CEP43: variants seen among roughly 807,000 people sequenced by gnomAD.
The protein encoded by CEP43 is centrosomal protein 43.
In CEP43, 36 loss-of-function variants were observed where a neutral mutation model predicts 52.6. That is an observed-to-expected ratio of 0.68 (90% CI 0.52 to 0.90). The LOEUF (loss-of-function observed/expected upper bound fraction) is 0.90, where lower values mean the gene tolerates loss of function less well. Ranked by LOEUF, CEP43 falls within the 40% of genes least tolerant of loss-of-function variation. The pLI, the probability that CEP43 is intolerant of heterozygous loss-of-function variation, is 0.00. For synonymous variants in CEP43, 192 were observed against 172.4 expected, an observed-to-expected ratio of 1.11 and a Z score of -0.89; for missense variants, 506 against 472.8, an observed-to-expected ratio of 1.07 and a Z score of -0.65.
At position 167,041,869 on chromosome 6, in the gene CEP43, A is replaced by G. The variant is rs143841163; in HGVS notation, c.*1891A>G. Reference sequence around the variant, plus strand: ...GACAGAGTCTCACTGTGTCACTCAGACTGGAGTACAGTGATGCGATCTCGG... The same window carrying G: ...GACAGAGTCTCACTGTGTCACTCAGGCTGGAGTACAGTGATGCGATCTCGG... On this transcript the variant is annotated 3_prime_UTR_variant, in exon 13 of 13. Transcript: ENST00000366847. The G allele has an allele frequency of 6.1e-4, 557 of 908,916 alleles. 3 individuals are homozygous for G. The highest frequency in any genetic ancestry group is 6.6e-4 in the Non-Finnish European group (494 of 752,134). 56.3% of individuals were successfully genotyped at this position (908,916 alleles called of 1,614,324 possible).
At chr6:167,025,438 G>A (rs1253904621) in intron 9 of CEP43, among the ~76,000 whole-genome samples, 1 of 152,172 alleles carries the variant, frequency 6.6e-6, no homozygotes, top group Non-Finnish European at 1.5e-5. Flanking sequence ...ACAGTGATAG[G>A]AATTTAAAAA....
At position 167,040,156 on chromosome 6, in the gene CEP43, T is replaced by C; in HGVS notation, c.*178T>C. ...ATTTTACTAAACAAAATACTTCCTATTTGAGCCCATGTGTGGAAGATTTAA... is the reference window on the plus strand; with the variant it reads ...ATTTTACTAAACAAAATACTTCCTACTTGAGCCCATGTGTGGAAGATTTAA... On this transcript the variant is annotated 3_prime_UTR_variant, in exon 13 of 13. Transcript: ENST00000366847. 6.5e-7 allele frequency: 1 copy of C among 1,538,466 alleles called. No homozygotes were observed. Among genetic ancestry groups the C allele is most frequent in the Non-Finnish European group, 8.7e-7 (1 of 1,145,062 alleles).
At position 167,040,275 on chromosome 6, in the gene CEP43, A is replaced by C. The variant is rs1011567361; in HGVS notation, c.*297A>C. Reference sequence around the variant, plus strand: ...GGAACCCATGAAAACATCAGTGTTAAGAGCATGATGAAAGGTGTCAATAAA... The same window carrying C: ...GGAACCCATGAAAACATCAGTGTTACGAGCATGATGAAAGGTGTCAATAAA... On this transcript the variant is annotated 3_prime_UTR_variant, in exon 13 of 13. Coordinates refer to ENST00000366847, the MANE Select transcript of CEP43 (RefSeq NM_007045.4). 1.4e-5 allele frequency: 21 copies of C among 1,479,776 alleles called. No individual in the cohort carries two copies. In the African/African-American group the frequency reaches 2.7e-4, roughly 19 times the overall value. The allele number at this position is 1,479,776 out of a possible 1,614,324, so 91.7% of individuals were successfully genotyped here. A position where few individuals can be genotyped will look rare whatever the true frequency, so the allele number is the denominator to read the frequency against.
In CEP43 at chr6:167,024,805, C is replaced by T; in HGVS notation, c.830C>T (p.Ala277Val). Residue 277 changes from alanine (A) to valine (V), a missense_variant, in exon 9 of 13, where the codon GCA becomes GTA. Transcript: ENST00000366847. Reference sequence around the variant, plus strand: ...AGGAGGAAGGAACCTAGGAAGCAAGCAGGAAGTCTGGCCTCGCTCTCGGAT... The same window carrying T: ...AGGAGGAAGGAACCTAGGAAGCAAGTAGGAAGTCTGGCCTCGCTCTCGGAT... ...YGLRKEPRKQ[A>V]GSLASLSDAP... The T allele has an allele frequency of 6.2e-7, 1 of 1,613,410 alleles. No individual in the cohort carries two copies. The highest frequency in any genetic ancestry group is 1.7e-5 in the Admixed American group (1 of 59,944).
chr6:167,008,625 A>T (rs1006452024), intron 5 of CEP43, among the ~76,000 whole-genome samples: 1 of 151,352 alleles, frequency 6.6e-6, no homozygotes, highest in African/African-American at 2.4e-5. Context: ...CCACCACCAC[A>T]CCCGGCTAAT....
chr6:167,015,580 C>T (rs960962340), intron 7 of CEP43, among the ~76,000 whole-genome samples: 32 of 152,164 alleles, frequency 2.1e-4, no homozygotes, highest in African/African-American at 7.2e-4. Context: ...GTCCTGCAGA[C>T]GTGAACTGGG....
chr6:167,017,347 C>A (rs762932647), intron 7 of CEP43, among the ~76,000 whole-genome samples: 16 of 152,230 alleles, frequency 1.1e-4, no homozygotes, highest in Non-Finnish European at 2.2e-4. Context: ...CATAGCATTA[C>A]ATTTATTAGG....
chr6:167,000,938 G>C (rs903308159), intron 2 of CEP43, among the ~76,000 whole-genome samples: 1 of 152,230 alleles, frequency 6.6e-6, no homozygotes, highest in Admixed American at 6.5e-5. Context: ...AGAAGAGTCA[G>C]TCAATCCTGT....
intron 7 of CEP43, 111 bp from the exon 8 acceptor site, chr6:167,022,298 A>AC: frequency 1.5e-6 from 1 of 675,388 alleles, no homozygotes; most frequent in East Asian, 2.7e-5. Context: ...ACACACACAA[A>AC]GGTTGCACAC....
intron 7 of CEP43, 150 bp from the exon 8 acceptor site, chr6:167,022,259 A>AACACACACACACACAC (rs35327997): frequency 5.3e-4 from 291 of 544,710 alleles, no homozygotes; most frequent in Admixed American, 1.0e-3. Context: ...GAGCTGCCCC[A>AACACACACACACACAC]ACACACACAC....
chr6:167,027,865 A>C, intron 10 of CEP43: 2 of 985,578 alleles, frequency 2.0e-6, no homozygotes, highest in Non-Finnish European at 2.4e-6. Flanking sequence ...CCCCATTTGC[A>C]GAAGAATAAA....
rs2128664165 is a variant in CEP43, at chr6:167,022,722, T to C, written c.806+87T>C. ...TTTATAGTTAAAAAATAATGAACTA[T>C]GGAAGGTTTATAATTATTGGATCCA... On this transcript the variant is annotated intron_variant, in intron 8 of 12. Coordinates refer to ENST00000366847, the MANE Select transcript of CEP43 (RefSeq NM_007045.4). 3.4e-6 allele frequency: 3 copies of C among 887,790 alleles called. No individual in the cohort carries two copies. The South Asian group carries it at 5.1e-5, about 15-fold the overall frequency. The allele number at this position is 887,790 out of a possible 1,614,324, so 55.0% of individuals were successfully genotyped here. A position where few individuals can be genotyped will look rare whatever the true frequency, so the allele number is the denominator to read the frequency against.
rs1221105152 is a variant in CEP43, at chr6:167,045,663, A to C, written c.*5685A>C. On this transcript the variant is annotated 3_prime_UTR_variant, in exon 13 of 13. Coordinates refer to ENST00000366847, the MANE Select transcript of CEP43 (RefSeq NM_007045.4). ...GGCAGGAGAATGGCGTGAACCCAGG[A>C]GGCGGAGCTTGCAGTGAGCCCAGAT... is the stretch of plus-strand genomic sequence containing the variant. The C allele has an allele frequency of 6.6e-6, 1 of 152,188 alleles. No homozygotes were observed. Among genetic ancestry groups the C allele is most frequent in the African/African-American group, 2.4e-5 (1 of 41,440 alleles). 9.4% of individuals were successfully genotyped at this position (152,188 alleles called of 1,614,324 possible).
intron 12 of CEP43, among the ~76,000 whole-genome samples, chr6:167,039,152 C>A (rs140305388): frequency 6.6e-6 from 1 of 150,774 alleles, no homozygotes; most frequent in African/African-American, 2.4e-5. Flanking sequence ...TTTTTTGAGT[C>A]GGAGTCTCGC....
Position 167,039,984 on chromosome 6 carries a change from A to G in CEP43, c.*6A>G. ...ATCTGGAAGATGTTGCATAGACACGAAGAAGGAAGTATTCTAATTAACAAG... is the reference window on the plus strand; with the variant it reads ...ATCTGGAAGATGTTGCATAGACACGGAGAAGGAAGTATTCTAATTAACAAG... On this transcript the variant is annotated 3_prime_UTR_variant, in exon 13 of 13. Coordinates refer to ENST00000366847, the MANE Select transcript of CEP43 (RefSeq NM_007045.4). 6.2e-7 allele frequency: 1 copy of G among 1,614,022 alleles called. No homozygotes were observed. Among genetic ancestry groups the G allele is most frequent in the Non-Finnish European group, 8.5e-7 (1 of 1,180,010 alleles).
chr6:167,016,031 A>G (rs1780090292), intron 7 of CEP43, among the ~76,000 whole-genome samples: 1 of 151,928 alleles, frequency 6.6e-6, no homozygotes, highest in Non-Finnish European at 1.5e-5. Flanking sequence ...ATCTCATTGT[A>G]TTCCATTTCG....
At chr6:167,020,853 T>C (rs1287241450) in intron 7 of CEP43, among the ~76,000 whole-genome samples, 1 of 147,114 alleles carries the variant, frequency 6.8e-6, no homozygotes, top group African/African-American at 2.5e-5. Flanking sequence ...AGGTTGCAGT[T>C]AGCCCAGATT....
chr6:167,005,833 ACT>A (rs1452749956), intron 5 of CEP43, among the ~76,000 whole-genome samples: 1 of 149,810 alleles, frequency 6.7e-6, no homozygotes, highest in East Asian at 2.0e-4. Context: ...GCCCTGAAGA[ACT>A]CTCTTCTCTT....
chr6:167,019,640 T>A (rs1005101035), intron 7 of CEP43, among the ~76,000 whole-genome samples: 51 of 152,368 alleles, frequency 3.3e-4, no homozygotes, highest in African/African-American at 1.2e-3. Flanking sequence ...ACTATATTTT[T>A]AAAATAATTC....
Sources: allele counts gnomAD v4.1 joint callset (sites outside exome capture counted in the v4.1 genomes callset), GRCh38; gene constraint gnomAD v4.1.1; transcripts MANE v1.5; gene names NCBI Gene and HGNC (gene_info 2026-07-23, HGNC 2026-07-21).